The following PRR35 variants were observed in gnomAD, a reference collection of about 807,000 sequenced individuals.
PRR35 encodes proline-rich protein 35.
A neutral mutation model predicts 18.6 loss-of-function variants in PRR35; 14 were observed. That is an observed-to-expected ratio of 0.75 (90% CI 0.50 to 1.18). The LOEUF (loss-of-function observed/expected upper bound fraction) is 1.18, where lower values mean the gene tolerates loss of function less well. PRR35 is among the 50% of genes most tolerant of loss of function. The probability of loss-of-function intolerance (pLI) is 0.00; values close to 1 mark genes in which losing one functional copy is unlikely to be tolerated. For missense variants in PRR35, 832 were observed against 792.2 expected, an observed-to-expected ratio of 1.05 and a Z score of -0.60; for synonymous variants, 425 against 378.2, an observed-to-expected ratio of 1.12 and a Z score of -1.43.
Position 560,529 on chromosome 16 carries a change from G to T in PRR35, c.-172G>T, listed in dbSNP as rs2035414783. The T allele has an allele frequency of 1.0e-6, 1 of 982,826 alleles. No individual in the cohort carries two copies. The highest frequency in any genetic ancestry group is 4.7e-5 in the South Asian group (1 of 21,292). 60.9% of individuals were successfully genotyped at this position (982,826 alleles called of 1,614,324 possible). A position where few individuals can be genotyped will look rare whatever the true frequency, so the allele number is the denominator to read the frequency against. On this transcript the variant is annotated 5_prime_UTR_variant, in exon 1 of 3. Transcript: ENST00000409413. Reference sequence around the variant, plus strand: ...GGCCTCAGTTTCCCCCACGGGAGCCGCATCCCACCCCCAGAGCCCCAGCGC... The same window carrying T: ...GGCCTCAGTTTCCCCCACGGGAGCCTCATCCCACCCCCAGAGCCCCAGCGC...
In PRR35 at chr16:563,728, C is replaced by A; in HGVS notation, c.434C>A (p.Ala145Asp). Residue 145 changes from alanine (A) to aspartate (D), a missense_variant, in exon 2 of 3, where the codon GCT (alanine) becomes GAT (aspartate). Physicochemically the swap from Ala to Asp is moderately radical, Grantham distance 126 (BLOSUM62 -2). This residue lies in a region of PRR35 where 768 missense variants were observed against 704.1 expected (regional missense o/e 1.09). Transcript: ENST00000409413. ...KGSPGPPPPV[A>D]RATRKGPGPS... ...TCCCCAGGGCCACCACCCCCTGTGGCTAGGGCCACCCGGAAGGGTCCCGGC... is the reference window on the plus strand; with the variant it reads ...TCCCCAGGGCCACCACCCCCTGTGGATAGGGCCACCCGGAAGGGTCCCGGC... The A allele has an allele frequency of 1.3e-6, 2 of 1,533,314 alleles. No individual in the cohort carries two copies. Among genetic ancestry groups the A allele is most frequent in the Admixed American group, 2.0e-5 (1 of 50,480 alleles). The allele number at this position is 1,533,314 out of a possible 1,614,324, so 95.0% of individuals were successfully genotyped here.
At position 561,985 on chromosome 16, in the gene PRR35, C is replaced by T. The variant is rs555565622; in HGVS notation, c.-39-1271C>T. 1.8e-4 allele frequency among the ~76,000 whole-genome samples: 28 copies of T among 152,312 alleles called. No homozygotes were observed. In the East Asian group the frequency reaches 2.1e-3, roughly 12 times the overall value. On this transcript the variant is annotated intron_variant, in intron 1 of 2. Transcript: ENST00000409413. The stretch of plus-strand genomic sequence containing the variant: ...GGGCCCCGCACTTGGTGGCAGACTC[C>T]GTTCTGAGCTTAGGTGGCACAGAGG...
At position 564,814 on chromosome 16, in the gene PRR35, T is replaced by A; in HGVS notation, c.1223T>A (p.Leu408Gln). ...AGCCCGGAGCATGTGGGCGAGGACC[T>A]GACCCGAGCCCTCGGTGACTACGCC... Reference protein sequence around the residue: ...PGSPEHVGEDLTRALGDYARV... With the variant: ...PGSPEHVGEDQTRALGDYARV... Residue 408 changes from leucine to glutamine, a missense_variant, in exon 3 of 3, where the codon CTG becomes CAG. This residue lies in a region of PRR35 where 768 missense variants were observed against 704.1 expected (regional missense o/e 1.09). Coordinates refer to ENST00000409413, the MANE Select transcript of PRR35 (RefSeq NM_145270.3). The A allele has an allele frequency of 6.4e-7, 1 of 1,558,768 alleles. No individual in the cohort carries two copies. Among genetic ancestry groups the A allele is most frequent in the South Asian group, 1.2e-5 (1 of 84,928 alleles).
At position 564,978 on chromosome 16, in the gene PRR35, G is replaced by A. The variant is rs768191423; in HGVS notation, c.1387G>A (p.Ala463Thr). 1.4e-5 allele frequency: 23 copies of A among 1,607,118 alleles called. No homozygotes were observed. The highest frequency in any genetic ancestry group is 1.2e-4 in the African/African-American group (9 of 74,804). ...ALEQAVRPPD[A>T]PLDLSVKRAP... The stretch of plus-strand genomic sequence containing the variant: ...GGAGCAGGCCGTGAGGCCGCCAGAC[G>A]CACCCCTCGACCTCTCTGTGAAACG... Residue 463 changes from alanine (A) to threonine (T), a missense_variant, in exon 3 of 3, where the codon GCA becomes ACA. By Grantham distance (58) the Ala-to-Thr change is moderately conservative. Around this residue, in one of 3 missense-constraint regions of PRR35, gnomAD observed 768 missense variants for 704.1 expected, o/e 1.09. Coordinates refer to ENST00000409413, the MANE Select transcript of PRR35 (RefSeq NM_145270.3).
intron 1 of PRR35, among the ~76,000 whole-genome samples, chr16:561,385 G>A (rs1393491689): frequency 6.6e-6 from 1 of 152,164 alleles, no homozygotes; most frequent in Non-Finnish European, 1.5e-5. Context: ...CTGGGTGATC[G>A]ATGGCCCGGC....
At position 560,611 on chromosome 16, in the gene PRR35, C is replaced by A; in HGVS notation, c.-90C>A. ...GGCGGGGAGGGGCGGGAAGTTTGCGCCCTACACGCGGCCTCGCAGACTTGG... is the reference window on the plus strand; with the variant it reads ...GGCGGGGAGGGGCGGGAAGTTTGCGACCTACACGCGGCCTCGCAGACTTGG... On this transcript the variant is annotated 5_prime_UTR_variant, in exon 1 of 3. Transcript: ENST00000409413. 1 of 983,054 alleles carries A rather than the reference C, an allele frequency of 1.0e-6. No individual in the cohort carries two copies. The highest frequency in any genetic ancestry group is 1.2e-6 in the Non-Finnish European group (1 of 829,010). The allele number at this position is 983,054 out of a possible 1,614,324, so 60.9% of individuals were successfully genotyped here. A position where few individuals can be genotyped will look rare whatever the true frequency, so the allele number is the denominator to read the frequency against.
chr16:562,085 G>A (rs766509242), intron 1 of PRR35, among the ~76,000 whole-genome samples: 4 of 152,252 alleles, frequency 2.6e-5, no homozygotes, highest in African/African-American at 7.2e-5. Flanking sequence ...GCCCGTGTGC[G>A]CAGGCGTGCT....
At position 563,243 on chromosome 16, in the gene PRR35, G is replaced by A. The variant is rs2035470312; in HGVS notation, c.-39-13G>A. ...AGAGGCAGGCTTGGCACTGACTGTG[G>A]CCCCATCTACAGGTGGCCATGGTGC... is the stretch of plus-strand genomic sequence containing the variant. On this transcript the variant is annotated splice_polypyrimidine_tract_variant and intron_variant, in intron 1 of 2. Coordinates refer to ENST00000409413, the MANE Select transcript of PRR35 (RefSeq NM_145270.3). The A allele has an allele frequency of 2.0e-6, 3 of 1,526,862 alleles. No individual in the cohort carries two copies. The highest frequency in any genetic ancestry group is 3.9e-5 in the Admixed American group (2 of 51,626). The allele number at this position is 1,526,862 out of a possible 1,614,324, so 94.6% of individuals were successfully genotyped here.
chr16:563,985 G>T lies in PRR35; in HGVS notation c.691G>T (p.Ala231Ser). Reference protein sequence around the residue: ...SYLGPSLAAAAHVPFLASASP... With the variant: ...SYLGPSLAAASHVPFLASASP... ...CTTGGGGCCCTCACTGGCCGCTGCA[G>T]CCCATGTGCCCTTCCTGGCCTCGGC... is the stretch of plus-strand genomic sequence containing the variant. The change falls in exon 2 of 3, where the codon GCC becomes TCC. Residue 231 changes from alanine (A) to serine (S), a missense_variant. Coordinates refer to ENST00000409413, the MANE Select transcript of PRR35 (RefSeq NM_145270.3). The T allele has an allele frequency of 6.2e-7, 1 of 1,601,776 alleles. No individual in the cohort carries two copies.
In PRR35 at chr16:564,101, T is replaced by C; in HGVS notation, c.807T>C (p.Leu269=). The part of the protein sequence containing the change: ...TPAPRLYYPL[L]LEHTLGLPAG... ...CCCCCCGCCTGTACTACCCGCTGCT[T>C]CTGGAGCACACTCTGGGGCTGCCAG... Residue 269 remains leucine (L), a synonymous_variant, in exon 2 of 3, where the codon CTT becomes CTC. Coordinates refer to ENST00000409413, the MANE Select transcript of PRR35 (RefSeq NM_145270.3). 1 of 1,571,520 alleles carries C rather than the reference T, an allele frequency of 6.4e-7. No homozygotes were observed. Among genetic ancestry groups the C allele is most frequent in the South Asian group, 1.2e-5 (1 of 86,836 alleles).
At chr16:561,624 G>T in intron 1 of PRR35, 1 of 599,370 alleles carries the variant, frequency 1.7e-6, no homozygotes, top group Non-Finnish European at 2.1e-6. Context: ...CCTGCAGCCC[G>T]TGACTGCCCT....
At position 563,552 on chromosome 16, in the gene PRR35, C is replaced by T. The variant is rs748249758; in HGVS notation, c.258C>T (p.His86=). Residue 86 remains histidine, a synonymous_variant, in exon 2 of 3, where the codon CAC becomes CAT. Transcript: ENST00000409413. ...GTGGCTCCACCACGCCTAGGCCCCA[C>T]GCACCCACCCCAGACCGCCCTGGGG... ...CRRGSTTPRP[H]APTPDRPGES... 8.1e-6 allele frequency: 13 copies of T among 1,609,680 alleles called. No individual in the cohort carries two copies. The highest frequency in any genetic ancestry group is 2.2e-5 in the East Asian group (1 of 44,808).
chr16:564,500 T>G, intron 2 of PRR35, 124 bp downstream of exon 2: 1 of 1,441,036 alleles, frequency 6.9e-7, no homozygotes. Context: ...GAAAGTGGGC[T>G]CCAGGCCACA....
intron 1 of PRR35, among the ~76,000 whole-genome samples, chr16:562,144 G>A (rs542970246): frequency 4.6e-5 from 7 of 152,320 alleles, no homozygotes; most frequent in African/African-American, 1.7e-4. Flanking sequence ...CCCAGGTGGC[G>A]GCCCAGATGG....
Position 563,539 on chromosome 16 carries a change from C to CG in PRR35, c.246dup (p.Pro83AlafsTer2). On this transcript the variant is annotated frameshift_variant, in exon 2 of 3. Transcript: ENST00000409413. LOFTEE classifies it high-confidence loss of function. ...TGGGCGTGCCGCCGTGGCTCCACCA[C>CG]GCCTAGGCCCCACGCACCCACCCCA... 1 of 1,611,086 alleles carries CG rather than the reference C, an allele frequency of 6.2e-7. No individual in the cohort carries two copies. The highest frequency in any genetic ancestry group is 8.5e-7 in the Non-Finnish European group (1 of 1,179,188).
rs1432935567 is a variant in PRR35 at position 564,390 on chromosome 16, G to T, written c.1082+14G>T. ...TTCCCGGAGCAGGTGGGCGTCTTGGGCTCCCGGTTCCTGGGGTGGACGGAG... is the reference window on the plus strand; with the variant it reads ...TTCCCGGAGCAGGTGGGCGTCTTGGTCTCCCGGTTCCTGGGGTGGACGGAG... On this transcript the variant is annotated intron_variant, in intron 2 of 2. Transcript: ENST00000409413. 1 of 1,588,886 alleles carries T rather than the reference G, an allele frequency of 6.3e-7. No homozygotes were observed. The highest frequency in any genetic ancestry group is 1.1e-5 in the South Asian group (1 of 89,268).
intron 1 of PRR35, among the ~76,000 whole-genome samples, chr16:561,392 C>T (rs956771472): frequency 3.3e-5 from 5 of 152,282 alleles, no homozygotes; most frequent in Admixed American, 6.5e-5. Flanking sequence ...ATCGATGGCC[C>T]GGCACAGCCG....
rs1202864833 is a variant in PRR35, at chr16:563,741, G to A, written c.447G>A (p.Arg149=). 1.3e-6 allele frequency: 2 copies of A among 1,523,552 alleles called. No homozygotes were observed. The highest frequency in any genetic ancestry group is 1.8e-6 in the Non-Finnish European group (2 of 1,138,336). The allele number at this position is 1,523,552 out of a possible 1,614,324, so 94.4% of individuals were successfully genotyped here. ...CACCCCCTGTGGCTAGGGCCACCCG[G>A]AAGGGTCCCGGCCCCAGTGGGCTCC... ...GPPPPVARAT[R]KGPGPSGLLP... is the part of the protein sequence containing the mutation. The change falls in exon 2 of 3, where the codon CGG becomes CGA. Residue 149 remains arginine, a synonymous_variant. Transcript: ENST00000409413.
intron 2 of PRR35, 59 bp from the exon 3 acceptor site, chr16:564,615 G>T (rs1270458641): frequency 1.4e-6 from 2 of 1,457,196 alleles, no homozygotes; most frequent in Non-Finnish European, 1.8e-6. Context: ...GGGGAGAGGG[G>T]CAGGGGCCGG....
Sources: allele counts gnomAD v4.1 joint callset (sites outside exome capture counted in the v4.1 genomes callset), GRCh38; gene constraint gnomAD v4.1.1; regional missense constraint gnomAD v4.1.1; transcripts MANE v1.5; gene names NCBI Gene and HGNC (gene_info 2026-07-23, HGNC 2026-07-21).